Variants in SHROOM2 observed in about 807,000 individuals in gnomAD.
SHROOM2 encodes shroom family member 2.
A neutral mutation model predicts 75.9 loss-of-function variants in SHROOM2; 33 were observed. The observed-to-expected ratio is 0.43, with a 90% CI of 0.33 to 0.58. The LOEUF is 0.58. Among genes scored for constraint, SHROOM2 ranks in the 20% least tolerant of loss-of-function variants. The pLI is 0.04. For missense variants in SHROOM2, 1,434 were observed against 1,461.2 expected, an observed-to-expected ratio of 0.98 and a Z score of 0.30; for synonymous variants, 655 against 663.6, an observed-to-expected ratio of 0.99 and a Z score of 0.20.
At chrX:9,832,607 C>G (rs1056913794) in intron 1 of SHROOM2, among the ~76,000 whole-genome samples, 1 of 111,561 alleles carries the variant, frequency 9.0e-6, no homozygotes, top group Non-Finnish European at 1.9e-5. Flanking sequence ...GGGAGTGCCC[C>G]AGCACACTAG....
Position 9,895,084 on chromosome X carries a change from C to T in SHROOM2, c.1176C>T (p.His392=), listed in dbSNP as rs1274611673. Residue 392 remains histidine, a synonymous_variant, in exon 4 of 10, where the codon CAC becomes CAT. Coordinates refer to ENST00000380913, the MANE Select transcript of SHROOM2 (RefSeq NM_001649.4). ...GCCCGGGCTGCCCACAGGAGGCCCACGCAGACGGCAGCTGGCCGCCCTCCA... is the reference window on the plus strand; with the variant it reads ...GCCCGGGCTGCCCACAGGAGGCCCATGCAGACGGCAGCTGGCCGCCCTCCA... The part of the protein sequence containing the change: ...SGGPGCPQEA[H]ADGSWPPSKD... 1.7e-6 allele frequency: 2 copies of T among 1,208,998 alleles called. No individual in the cohort carries two copies. Among genetic ancestry groups the T allele is most frequent in the African/African-American group, 1.7e-5 (1 of 57,905 alleles).
rs192326093 is a variant in SHROOM2, at chrX:9,904,946, C to T, written c.2891+6656C>T. Among the ~76,000 whole-genome samples, 44 of 112,507 alleles carry T rather than the reference C, an allele frequency of 3.9e-4. No homozygotes were observed. The Admixed American group carries it at 3.9e-3, about 10-fold the overall frequency. Reference sequence around the variant, plus strand: ...GCACAATCATGGCTCACTGCAGCCTCAACCTCCAAGCTCAAGTGATCCTCC... The same window carrying T: ...GCACAATCATGGCTCACTGCAGCCTTAACCTCCAAGCTCAAGTGATCCTCC... On this transcript the variant is annotated intron_variant, in intron 5 of 9. Coordinates refer to ENST00000380913, the MANE Select transcript of SHROOM2 (RefSeq NM_001649.4).
chrX:9,809,468 C>A (rs1172909795), intron 1 of SHROOM2, among the ~76,000 whole-genome samples: 1 of 111,637 alleles, frequency 9.0e-6, no homozygotes, highest in African/African-American at 3.3e-5. Context: ...ATTCTTCAAT[C>A]CAATCAAGTT....
chrX:9,932,747 A>G lies in SHROOM2; in HGVS notation c.3464A>G (p.Lys1155Arg). The G allele has an allele frequency of 8.3e-7, 1 of 1,210,569 alleles. No homozygotes were observed. Residue 1155 changes from lysine to arginine, a missense_variant, in exon 6 of 10, where the codon AAG (lysine) becomes AGG (arginine). Physicochemically the swap from Lys to Arg is conservative, Grantham distance 26. Around this residue, in one of 3 missense-constraint regions of SHROOM2, gnomAD observed 1,340 missense variants for 1,338.3 expected, o/e 1.00. Coordinates refer to ENST00000380913, the MANE Select transcript of SHROOM2 (RefSeq NM_001649.4). ...RPLPEALLPP[K>R]QQHLRLQTAT... The stretch of plus-strand genomic sequence containing the variant: ...CTGCCAGAAGCACTGCTCCCTCCCA[A>G]GCAGCAGCACCTGCGCCTGCAGACG...
chrX:9,798,154 C>T (rs922240697), intron 1 of SHROOM2, among the ~76,000 whole-genome samples: 1 of 110,789 alleles, frequency 9.0e-6, no homozygotes, highest in African/African-American at 3.3e-5. Flanking sequence ...TGTTCAGGTA[C>T]TGGCCGCCTA....
At chrX:9,885,203 C>T (rs1356953013) in intron 2 of SHROOM2, among the ~76,000 whole-genome samples, 2 of 111,889 alleles carry the variant, frequency 1.8e-5, no homozygotes, top group Non-Finnish European at 3.8e-5. Flanking sequence ...ATGAGACCCA[C>T]GGTTCTAGGG....
chrX:9,924,782 A>G (rs1035325611), intron 5 of SHROOM2, among the ~76,000 whole-genome samples: 21 of 111,769 alleles, frequency 1.9e-4, no homozygotes, highest in African/African-American at 6.8e-4. Context: ...CAGCCTCCTG[A>G]GTAGTTGGGA....
At chrX:9,908,508 A>G (rs1432463100) in intron 5 of SHROOM2, among the ~76,000 whole-genome samples, 1 of 112,274 alleles carries the variant, frequency 8.9e-6, no homozygotes, top group Non-Finnish European at 1.9e-5. Flanking sequence ...ATAGTATTAT[A>G]CTATACAATC....
intron 5 of SHROOM2, among the ~76,000 whole-genome samples, chrX:9,928,894 G>A (rs752877370): frequency 2.7e-5 from 3 of 111,969 alleles, no homozygotes; most frequent in East Asian, 2.8e-4. Flanking sequence ...CATACACAGC[G>A]CAGGCACACA....
intron 1 of SHROOM2, chrX:9,818,880 G>A: frequency 1.9e-6 from 1 of 532,158 alleles, no homozygotes. Context: ...CATCCATTCT[G>A]CACCTTTGAG....
At chrX:9,930,963 G>A (rs957516200) in intron 5 of SHROOM2, among the ~76,000 whole-genome samples, 21 of 109,385 alleles carry the variant, frequency 1.9e-4, no homozygotes, top group Non-Finnish European at 3.6e-4. Context: ...GGCTGGTCTC[G>A]AACTCCTGAC....
At chrX:9,836,405 A>G (rs1439145728) in intron 1 of SHROOM2, among the ~76,000 whole-genome samples, 1 of 110,046 alleles carries the variant, frequency 9.1e-6, no homozygotes, top group African/African-American at 3.3e-5. Context: ...CCGGTTTAGC[A>G]TCTTTGCAAT....
chrX:9,835,604 G>A (rs2083939736), intron 1 of SHROOM2, among the ~76,000 whole-genome samples: 1 of 112,797 alleles, frequency 8.9e-6, no homozygotes, highest in Non-Finnish European at 1.9e-5. Flanking sequence ...CGTGGGCCAG[G>A]AGGATTCTGA....
At chrX:9,791,911 T>C (rs901159153) in intron 1 of SHROOM2, among the ~76,000 whole-genome samples, 1 of 106,696 alleles carries the variant, frequency 9.4e-6, no homozygotes, top group Non-Finnish European at 1.9e-5. Context: ...GAGGCAGAGG[T>C]TGTGGTGAGC....
In SHROOM2 at chrX:9,890,973, C is replaced by G; in HGVS notation, c.318-4C>G. Reference sequence around the variant, plus strand: ...CCCCCCGCCTCCCCTGCGTTCTTTTCTAGGAGGAGCGAGCTGGGCTGGAGG... The same window carrying G: ...CCCCCCGCCTCCCCTGCGTTCTTTTGTAGGAGGAGCGAGCTGGGCTGGAGG... On this transcript the variant is annotated splice_region_variant and splice_polypyrimidine_tract_variant and intron_variant, in intron 2 of 9. Transcript: ENST00000380913. 2 of 1,201,988 alleles carry G rather than the reference C, an allele frequency of 1.7e-6. No homozygotes were observed. Among genetic ancestry groups the G allele is most frequent in the Non-Finnish European group, 2.2e-6 (2 of 890,853 alleles).
intron 2 of SHROOM2, among the ~76,000 whole-genome samples, chrX:9,877,909 C>T (rs1162215585): frequency 9.0e-6 from 1 of 111,194 alleles, no homozygotes; most frequent in African/African-American, 3.3e-5. Context: ...TAGCTGGGCT[C>T]ATCCTATCCA....
intron 7 of SHROOM2, among the ~76,000 whole-genome samples, chrX:9,938,119 C>G (rs759253217): frequency 6.2e-4 from 69 of 110,815 alleles, no homozygotes; most frequent in African/African-American, 2.2e-3. Context: ...GGGCCCCCCC[C>G]ACAGAGAGTC....
intron 5 of SHROOM2, among the ~76,000 whole-genome samples, chrX:9,921,021 A>C (rs894884714): frequency 1.8e-5 from 2 of 112,104 alleles, no homozygotes; most frequent in Non-Finnish European, 3.8e-5. Flanking sequence ...CTGAGATTGC[A>C]GTCAACACGT....
intron 1 of SHROOM2, among the ~76,000 whole-genome samples, chrX:9,871,266 T>C (rs151148987): frequency 0.01 from 1,153 of 112,289 alleles, 14 homozygotes; most frequent in East Asian, 0.039. Flanking sequence ...GAAATACAGA[T>C]GTGCGGGCGT....
Sources: gnomAD v4.1 joint callset for allele counts (sites outside exome capture counted in the v4.1 genomes callset) on GRCh38, gnomAD v4.1.1 for gene constraint, gnomAD v4.1.1 regional missense constraint, MANE v1.5 for transcripts, NCBI Gene and HGNC (gene_info 2026-07-23, HGNC 2026-07-21) for gene names.